CES4A: variants seen among roughly 807,000 people sequenced by gnomAD.
CES4A encodes carboxylesterase 4A.
In CES4A, 48 loss-of-function variants were observed where a neutral mutation model predicts 65.4. The ratio of observed to expected loss-of-function variants is 0.73; its 90% confidence interval spans 0.58 to 0.93. The LOEUF (loss-of-function observed/expected upper bound fraction) is 0.93, where lower values mean the gene tolerates loss of function less well. CES4A is among the 40% of genes least tolerant of loss of function. The pLI is 0.00. For missense variants in CES4A, 685 were observed against 728.5 expected (o/e 0.94, Z 0.69); for synonymous variants, 247 against 281.8 (o/e 0.88, Z 1.24).
intron 2 of CES4A, among the ~76,000 whole-genome samples, chr16:66,997,300 G>A (rs1218732873): frequency 6.6e-6 from 1 of 152,156 alleles, no homozygotes; most frequent in East Asian, 1.9e-4. Context: ...AGAAGTCTGG[G>A]CATCAGTTGT....
chr16:67,005,422 C>A, intron 11 of CES4A, 29 bp downstream of exon 11: 1 of 1,607,846 alleles, frequency 6.2e-7, no homozygotes, highest in Non-Finnish European at 8.5e-7. Context: ...AGTGGCCACA[C>A]TGGCCCCGTC....
chr16:66,996,337 G>A (rs779075221), intron 2 of CES4A, among the ~76,000 whole-genome samples: 3 of 152,048 alleles, frequency 2.0e-5, no homozygotes, highest in African/African-American at 7.2e-5. Flanking sequence ...GCCTAGACTT[G>A]TTGTTGGTTT....
At chr16:66,995,406 C>T (rs1158256126) in intron 1 of CES4A, among the ~76,000 whole-genome samples, 1 of 152,144 alleles carries the variant, frequency 6.6e-6, no homozygotes, top group Non-Finnish European at 1.5e-5. Context: ...AAGAAGTGGA[C>T]AGACACACAA....
At chr16:66,993,479 A>G (rs113433972) in intron 1 of CES4A, among the ~76,000 whole-genome samples, 8,513 of 152,040 alleles carry the variant, frequency 0.056, 238 homozygotes, top group African/African-American at 0.07. Context: ...AGTAGCTGGG[A>G]TTACAGGTGC....
chr16:67,004,125 C>T (rs1269476900), exon 9 of CES4A: 1 of 1,614,038 alleles, frequency 6.2e-7, no homozygotes, highest in Non-Finnish European at 8.5e-7. Flanking sequence ...GTGTGGTGAT[C>T]CCAGATGACC....
At position 66,988,846 on chromosome 16, in the gene CES4A, C is replaced by T; in HGVS notation, c.58+16C>T. The stretch of plus-strand genomic sequence containing the variant: ...ACGGCCTTGGGTAAGACCCCCACCC[C>T]TTCCCGAGAGTGTCAGGCAAGACGG... On this transcript the variant is annotated intron_variant, in intron 1 of 13. Coordinates refer to ENST00000648724, the Ensembl canonical transcript of CES4A. 1 of 1,556,836 alleles carries T rather than the reference C, an allele frequency of 6.4e-7. No homozygotes were observed. Among genetic ancestry groups the T allele is most frequent in the South Asian group, 1.2e-5 (1 of 84,372 alleles).
chr16:67,005,850 A>C (rs1965716931), intron 11 of CES4A: 1 of 170,178 alleles, frequency 5.9e-6, no homozygotes, highest in African/African-American at 2.4e-5. Flanking sequence ...CTCCATCTCA[A>C]AAAAAAAACA....
At chr16:66,991,794 C>T (rs1342710414) in intron 1 of CES4A, among the ~76,000 whole-genome samples, 1 of 151,952 alleles carries the variant, frequency 6.6e-6, no homozygotes, top group African/African-American at 2.4e-5. Flanking sequence ...TAACATTTGC[C>T]CTATAAGGTT....
At position 67,001,302 on chromosome 16, in the gene CES4A, G is replaced by A. The variant is rs1965328356; in HGVS notation, c.537-6G>A. On this transcript the variant is annotated splice_polypyrimidine_tract_variant and splice_region_variant and intron_variant, in intron 4 of 13. Transcript: ENST00000648724. The surrounding 1 kb of genome is among the most constrained non-coding windows in gnomAD (Gnocchi z 4.1). ...GGGACCCTGACAGTGAACCCCACACGCCCAGCACGGACGACAGCCACGCGC... is the reference window on the plus strand; with the variant it reads ...GGGACCCTGACAGTGAACCCCACACACCCAGCACGGACGACAGCCACGCGC... 1.3e-6 allele frequency: 2 copies of A among 1,597,056 alleles called. No homozygotes were observed. The highest frequency in any genetic ancestry group is 1.7e-6 in the Non-Finnish European group (2 of 1,172,046).
intron 9 of CES4A, among the ~76,000 whole-genome samples, chr16:67,004,573 G>GGCCCC (rs1965605551): frequency 6.6e-6 from 1 of 152,176 alleles, no homozygotes; most frequent in African/African-American, 2.4e-5. Context: ...ACTCAGGATG[G>GGCCCC]ACCCCCACTC....
At chr16:67,007,625 T>C (rs1275181549) in intron 13 of CES4A, 1 of 152,002 alleles carries the variant, frequency 6.6e-6, no homozygotes, top group Non-Finnish European at 1.5e-5. Context: ...TTCTTTTTTT[T>C]TTTAAATTTT....
intron 11 of CES4A, 54 bp downstream of exon 11, chr16:67,005,447 G>A: frequency 6.4e-7 from 1 of 1,566,390 alleles, no homozygotes; most frequent in Non-Finnish European, 8.7e-7. Context: ...CTCCAGGTGT[G>A]CTGTTTACCA....
intron 1 of CES4A, among the ~76,000 whole-genome samples, chr16:66,989,181 A>G (rs891408875): frequency 3.9e-5 from 6 of 152,012 alleles, no homozygotes; most frequent in African/African-American, 1.5e-4. Context: ...TCTCTGCTAC[A>G]TGAACCTCTT....
chr16:66,994,289 T>G (rs1382250276), intron 1 of CES4A, among the ~76,000 whole-genome samples: 2 of 146,960 alleles, frequency 1.4e-5, no homozygotes, highest in African/African-American at 5.0e-5. Flanking sequence ...CAGGCTGGAG[T>G]GCAGTGGCGC....
rs554328265 is a variant in CES4A at position 67,003,869 on chromosome 16, T to C, written c.940-215T>C. On this transcript the variant is annotated intron_variant, in intron 8 of 13. Coordinates refer to ENST00000648724, the Ensembl canonical transcript of CES4A. This position sits in a 1 kb window ranked among gnomAD's most constrained non-coding sequence, Gnocchi z 4.2. ...TTTCAAGAGGTGAAGGAGTGAGCTA[T>C]ACAGATACCCGCGGCCATCCCAAGT... Among the ~76,000 whole-genome samples the C allele has an allele frequency of 6.6e-6, 1 of 152,236 alleles. No individual in the cohort carries two copies. The highest frequency in any genetic ancestry group is 1.5e-5 in the Non-Finnish European group (1 of 68,022).
At chr16:67,009,074 G>C in exon 14 of CES4A, 1 of 1,614,194 alleles carries the variant, frequency 6.2e-7, no homozygotes, top group Non-Finnish European at 8.5e-7. Context: ...GAAGCTCAAG[G>C]AGAAGAAGAT....
exon 12 of CES4A, chr16:67,006,503 G>A: frequency 6.5e-7 from 1 of 1,537,026 alleles, no homozygotes; most frequent in South Asian, 1.2e-5. Flanking sequence ...TCCTCTTTGG[G>A]GGCCCCTTCG....
intron 1 of CES4A, among the ~76,000 whole-genome samples, chr16:66,990,087 G>A (rs1300993213): frequency 3.5e-5 from 4 of 115,814 alleles, no homozygotes; most frequent in Admixed American, 1.3e-4. Context: ...GTCTCGCCCT[G>A]TCACCCAGAC....
intron 13 of CES4A, 160 bp downstream of exon 13, chr16:67,006,977 C>T (rs779814942): frequency 1.1e-5 from 7 of 614,264 alleles, no homozygotes; most frequent in East Asian, 5.6e-5. Flanking sequence ...AGTCAGTCAC[C>T]GGATCCTAAA....
Sources: allele counts gnomAD v4.1 joint callset (sites outside exome capture counted in the v4.1 genomes callset), GRCh38; gene constraint gnomAD v4.1.1; non-coding constraint Gnocchi (gnomAD v3.1); transcripts MANE v1.5; gene names NCBI Gene and HGNC (gene_info 2026-07-23, HGNC 2026-07-21).